Variants in STAM2 observed in about 807,000 individuals in gnomAD.
STAM2 encodes signal transducing adaptor molecule 2, also known as signal transducing adapter molecule 2.
STAM2 carries 51 observed loss-of-function variants against 65.6 expected under a neutral mutation model. That is an observed-to-expected ratio of 0.78 (90% confidence interval 0.62 to 0.98). The LOEUF (loss-of-function observed/expected upper bound fraction) is 0.98, where lower values mean the gene tolerates loss of function less well. Ranked by LOEUF, STAM2 falls within the 50% of genes least tolerant of loss-of-function variation. The pLI is 0.00. For synonymous variants in STAM2, 198 were observed against 208.4 expected (o/e 0.95, Z 0.43); for missense variants, 584 against 617.8 (o/e 0.95, Z 0.58).
Position 152,148,041 on chromosome 2 carries a change from C to A in STAM2, c.283G>T (p.Ala95Ser). ...AAATTTACCTTATTTTTAATCACAG[C>A]ACGTACTTCTGTTGCAAAATCACGG... ...CSRDFATEVR[A>S]VIKNKAHPKV... The change falls in exon 4 of 14, where the codon GCT becomes TCT. Residue 95 changes from alanine to serine, a missense_variant. Ala to Ser is a moderately conservative substitution (Grantham distance 99, BLOSUM62 1). Transcript: ENST00000263904. The A allele has an allele frequency of 1.9e-6, 3 of 1,608,846 alleles. No homozygotes were observed. The highest frequency in any genetic ancestry group is 1.7e-6 in the Non-Finnish European group (2 of 1,177,574).
chr2:152,159,928 G>A (rs890628605), intron 1 of STAM2, among the ~76,000 whole-genome samples: 2 of 152,222 alleles, frequency 1.3e-5, no homozygotes, highest in Non-Finnish European at 2.9e-5. Context: ...ACGGGGTTTC[G>A]CTGTGTTGGC....
chr2:152,142,143 A>G (rs1462422019), intron 7 of STAM2, among the ~76,000 whole-genome samples: 4 of 152,226 alleles, frequency 2.6e-5, no homozygotes, highest in Non-Finnish European at 5.9e-5. Flanking sequence ...TACAGCAACT[A>G]TAAAAGTAGG....
At position 152,171,527 on chromosome 2, in the gene STAM2, A is replaced by G. The variant is rs546595705; in HGVS notation, c.40+4076T>C. 3.3e-5 allele frequency among the ~76,000 whole-genome samples: 5 copies of G among 152,338 alleles called. No individual in the cohort carries two copies. In the East Asian group the frequency reaches 5.8e-4, roughly 18 times the overall value. On this transcript the variant is annotated intron_variant, in intron 1 of 13. Transcript: ENST00000263904. ...AATTTATATTATTCTTATGCTATCA[A>G]TATCTATTTTTATATTGGGATTTCT...
chr2:152,147,245 T>C lies in STAM2; in HGVS notation c.364A>G (p.Lys122Glu). 1.2e-6 allele frequency: 2 copies of C among 1,612,174 alleles called. No individual in the cohort carries two copies. Among genetic ancestry groups the C allele is most frequent in the Non-Finnish European group, 1.7e-6 (2 of 1,179,236 alleles). ...LMVEWSEEFQ[K>E]DPQFSLISAT... ...GATATCAGACTAAACTGAGGGTCCT[T>C]CTGAAATTCTTCTGACCACTCCACC... Residue 122 changes from lysine to glutamate, a missense_variant, in exon 5 of 14, where the codon AAG becomes GAG. Coordinates refer to ENST00000263904, the MANE Select transcript of STAM2 (RefSeq NM_005843.6).
chr2:152,167,716 G>C (rs1689813015), intron 1 of STAM2, among the ~76,000 whole-genome samples: 1 of 144,446 alleles, frequency 6.9e-6, no homozygotes, highest in African/African-American at 2.7e-5. Context: ...ACAACATGGT[G>C]AAACCTCATT....
chr2:152,133,535 T>C (rs755082358), intron 8 of STAM2, 51 bp from the exon 9 acceptor site: 4 of 1,434,350 alleles, frequency 2.8e-6, no homozygotes, highest in East Asian at 2.3e-5. Flanking sequence ...TCAGTAATTT[T>C]AGTCATTAAT....
rs1332940742 is a variant in STAM2, at chr2:152,117,668, T to C, written c.*2906A>G. 5 of 152,184 alleles carry C rather than the reference T, an allele frequency of 3.3e-5. No individual in the cohort carries two copies. The highest frequency in any genetic ancestry group is 5.9e-5 in the Non-Finnish European group (4 of 68,024). The allele number at this position is 152,184 out of a possible 1,614,324, so 9.4% of individuals were successfully genotyped here. A position where few individuals can be genotyped will look rare whatever the true frequency, so the allele number is the denominator to read the frequency against. ...TATCAAAGTAACTCCAGCTTTCTTA[T>C]AGCAATTCAATAAGCCCTCTCCTAG... On this transcript the variant is annotated 3_prime_UTR_variant, in exon 14 of 14. Transcript: ENST00000263904.
intron 11 of STAM2, among the ~76,000 whole-genome samples, chr2:152,130,503 G>A (rs1345723789): frequency 3.3e-5 from 5 of 151,602 alleles, no homozygotes; most frequent in South Asian, 2.1e-4. Context: ...CACCCGCCTC[G>A]GCCTCCCAAA....
At chr2:152,128,532 G>A (rs896232732) in intron 11 of STAM2, among the ~76,000 whole-genome samples, 2 of 152,160 alleles carry the variant, frequency 1.3e-5, no homozygotes, top group Non-Finnish European at 1.5e-5. Flanking sequence ...AACCCAGCAT[G>A]CTGATGAAAC....
At chr2:152,120,886 T>C (rs752258558) in intron 13 of STAM2, 84 bp from the exon 14 acceptor site, 42 of 1,036,838 alleles carry the variant, frequency 4.1e-5, no homozygotes, top group Non-Finnish European at 5.9e-5. Context: ...AAAAATGCCT[T>C]TTCCATCTTC....
intron 5 of STAM2, among the ~76,000 whole-genome samples, chr2:152,146,438 C>T (rs910739420): frequency 1.3e-5 from 2 of 152,162 alleles, no homozygotes; most frequent in African/African-American, 2.4e-5. Flanking sequence ...CTCCCCTAGA[C>T]CTAAAAAAAC....
chr2:152,138,092 T>C (rs1450630541), intron 7 of STAM2, among the ~76,000 whole-genome samples: 5 of 152,118 alleles, frequency 3.3e-5, no homozygotes, highest in Non-Finnish European at 5.9e-5. Flanking sequence ...CTTTTCAAGT[T>C]CTCTGGGGAA....
intron 7 of STAM2, among the ~76,000 whole-genome samples, chr2:152,141,676 C>T (rs891898540): frequency 1.2e-4 from 18 of 151,596 alleles, no homozygotes; most frequent in East Asian, 5.9e-4. Context: ...CTGCAACCTC[C>T]GCCTCCCGGG....
At chr2:152,138,238 T>C (rs966365868) in intron 7 of STAM2, among the ~76,000 whole-genome samples, 1 of 152,132 alleles carries the variant, frequency 6.6e-6, no homozygotes, top group African/African-American at 2.4e-5. Context: ...AAACATAATA[T>C]GTAAAAATAT....
chr2:152,170,662 C>G (rs941456643), intron 1 of STAM2, among the ~76,000 whole-genome samples: 1 of 152,140 alleles, frequency 6.6e-6, no homozygotes, highest in African/African-American at 2.4e-5. Context: ...AAATTTATAA[C>G]CTAGAGCTAC....
intron 7 of STAM2, among the ~76,000 whole-genome samples, chr2:152,143,037 T>C (rs1403241616): frequency 6.6e-6 from 1 of 152,196 alleles, no homozygotes; most frequent in Non-Finnish European, 1.5e-5. Context: ...TACAATTGTC[T>C]ATATGGTAAT....
chr2:152,149,642 C>T (rs945817515), intron 2 of STAM2, among the ~76,000 whole-genome samples: 4 of 151,948 alleles, frequency 2.6e-5, no homozygotes, highest in African/African-American at 7.2e-5. Context: ...GGATTACAGG[C>T]GCACACCATT....
intron 1 of STAM2, among the ~76,000 whole-genome samples, chr2:152,158,861 T>C (rs1689603563): frequency 6.6e-6 from 1 of 151,710 alleles, no homozygotes; most frequent in Admixed American, 6.6e-5. Flanking sequence ...ATTAATCCAT[T>C]CACGAAGGAG....
chr2:152,125,158 T>C (rs2105528560), intron 12 of STAM2, among the ~76,000 whole-genome samples: 1 of 152,296 alleles, frequency 6.6e-6, no homozygotes, highest in South Asian at 2.1e-4. Context: ...CACTGCTGTT[T>C]TGTTCCACTT....
Sources: gnomAD v4.1 joint callset for allele counts (sites outside exome capture counted in the v4.1 genomes callset) on GRCh38, gnomAD v4.1.1 for gene constraint, MANE v1.5 for transcripts, NCBI Gene and HGNC (gene_info 2026-07-23, HGNC 2026-07-21) for gene names.